The following DTNB variants were observed in gnomAD, a reference collection of about 807,000 sequenced individuals.
DTNB encodes the protein dystrobrevin beta, also known as DTN-B.
In DTNB, 63 loss-of-function variants were observed where a neutral mutation model predicts 90.7. The ratio of observed to expected loss-of-function variants is 0.69; its 90% CI spans 0.57 to 0.86. DTNB has a LOEUF of 0.86. Among genes scored for constraint, DTNB ranks in the 40% least tolerant of loss-of-function variants. The probability of loss-of-function intolerance (pLI) is 0.00; values close to 1 mark genes in which losing one functional copy is unlikely to be tolerated. For missense variants in DTNB, 744 were observed against 807.1 expected, an observed-to-expected ratio of 0.92 and a Z score of 0.95; for synonymous variants, 277 against 286.7, an observed-to-expected ratio of 0.97 and a Z score of 0.34.
At chr2:25,616,954 GA>G (rs900643862) in intron 4 of DTNB, among the ~76,000 whole-genome samples, 3 of 97,452 alleles carry the variant, frequency 3.1e-5, no homozygotes, top group Non-Finnish European at 5.8e-5. Context: ...AAAAAAAAAG[GA>G]AAAAAAAGAC....
intron 1 of DTNB, among the ~76,000 whole-genome samples, chr2:25,654,837 G>A (rs897678128): frequency 6.6e-5 from 10 of 152,224 alleles, no homozygotes; most frequent in Non-Finnish European, 1.5e-4. Flanking sequence ...TTCATCATGT[G>A]TAAAACTGTG....
At chr2:25,666,620 C>T (rs2084509088) in intron 1 of DTNB, among the ~76,000 whole-genome samples, 1 of 152,168 alleles carries the variant, frequency 6.6e-6, no homozygotes, top group African/African-American at 2.4e-5. Flanking sequence ...CCTCTCTGCT[C>T]TAAATACACA....
At chr2:25,396,574 G>T (rs2042419803) in intron 16 of DTNB, among the ~76,000 whole-genome samples, 1 of 151,512 alleles carries the variant, frequency 6.6e-6, no homozygotes, top group Admixed American at 6.6e-5. Flanking sequence ...GGTGGGAGGG[G>T]GGTGAGGGAT....
intron 8 of DTNB, among the ~76,000 whole-genome samples, chr2:25,542,993 T>A (rs2081610193): frequency 6.6e-6 from 1 of 152,196 alleles, no homozygotes; most frequent in Non-Finnish European, 1.5e-5. Flanking sequence ...AATCTCACTG[T>A]GTTCCTGTTA....
At chr2:25,457,895 G>A (rs550438888) in intron 10 of DTNB, among the ~76,000 whole-genome samples, 7 of 152,132 alleles carry the variant, frequency 4.6e-5, no homozygotes, top group East Asian at 3.9e-4. Flanking sequence ...GTGCAGTGGC[G>A]TGATCTCAGC....
At chr2:25,585,981 C>T (rs2062323266) in intron 6 of DTNB, among the ~76,000 whole-genome samples, 1 of 152,074 alleles carries the variant, frequency 6.6e-6, no homozygotes, top group South Asian at 2.1e-4. Context: ...TATAATGTTA[C>T]TCTGCTTTTT....
chr2:25,385,199 G>C (rs2039132672), intron 18 of DTNB, among the ~76,000 whole-genome samples: 1 of 152,006 alleles, frequency 6.6e-6, no homozygotes, highest in Non-Finnish European at 1.5e-5. Context: ...TCCAATTCTA[G>C]GATTCGATTA....
At chr2:25,600,744 C>T (rs143973359) in intron 5 of DTNB, among the ~76,000 whole-genome samples, 4,487 of 152,194 alleles carry the variant, frequency 0.029, 117 homozygotes, top group Middle Eastern at 0.061. Context: ...ACACCCACAC[C>T]AACGAATCTA....
intron 5 of DTNB, among the ~76,000 whole-genome samples, chr2:25,601,531 T>C (rs189071210): frequency 3.3e-5 from 5 of 152,342 alleles, no homozygotes; most frequent in African/African-American, 4.8e-5. Flanking sequence ...CTGGTGATAA[T>C]GACCCTAGTT....
At chr2:25,429,821 G>C (rs773099894) in intron 14 of DTNB, among the ~76,000 whole-genome samples, 6 of 152,048 alleles carry the variant, frequency 3.9e-5, no homozygotes, top group Non-Finnish European at 7.4e-5. Flanking sequence ...CAATTGCCTG[G>C]CTAATTATAT....
chr2:25,630,982 T>C (rs1490668306), intron 3 of DTNB, among the ~76,000 whole-genome samples: 1 of 151,884 alleles, frequency 6.6e-6, no homozygotes, highest in Non-Finnish European at 1.5e-5. Context: ...AGGTTCTATA[T>C]ATATGAAATG....
chr2:25,502,028 T>A (rs761673056), intron 9 of DTNB, among the ~76,000 whole-genome samples: 2 of 151,740 alleles, frequency 1.3e-5, no homozygotes, highest in African/African-American at 4.8e-5. Flanking sequence ...TCTACAAAAA[T>A]AAAAAATTAG....
chr2:25,670,750 T>C (rs776617770), intron 1 of DTNB, among the ~76,000 whole-genome samples: 7 of 152,184 alleles, frequency 4.6e-5, no homozygotes, highest in Non-Finnish European at 1.0e-4. Context: ...CAAACCAGCA[T>C]AAGGGAACAT....
chr2:25,547,267 ACTT>A lies in DTNB; in HGVS notation c.877-15673_877-15671del, dbSNP rs200852339. On this transcript the variant is annotated intron_variant, in intron 8 of 20. Coordinates refer to ENST00000406818, the MANE Select transcript of DTNB (RefSeq NM_021907.5). ...TAATGTAGAAATTTTATACCTGTAT[ACTT>A]CTTTTTTTTTTTAATCTACCACTAA... Among the ~76,000 whole-genome samples the A allele has an allele frequency of 2.2e-3, 318 of 147,410 alleles. 2 individuals carry two copies. Among genetic ancestry groups the A allele is most frequent in the Non-Finnish European group, 3.2e-3 (212 of 67,256 alleles).
intron 9 of DTNB, chr2:25,497,751 G>A (rs1354065306): frequency 3.3e-5 from 5 of 152,198 alleles, no homozygotes; most frequent in African/African-American, 1.2e-4. Flanking sequence ...GAGTCATTCT[G>A]TGGCCTCTTA....
intron 9 of DTNB, among the ~76,000 whole-genome samples, chr2:25,495,444 C>T (rs142080843): frequency 2.0e-5 from 3 of 152,252 alleles, no homozygotes; most frequent in African/African-American, 7.2e-5. Context: ...TAAGTGAAAA[C>T]AATATATTGT....
intron 4 of DTNB, among the ~76,000 whole-genome samples, chr2:25,622,526 T>C (rs2073020434): frequency 6.6e-6 from 1 of 152,170 alleles, no homozygotes; most frequent in Non-Finnish European, 1.5e-5. Context: ...ACCTTTATAA[T>C]GGCCAGAAAT....
intron 9 of DTNB, among the ~76,000 whole-genome samples, chr2:25,493,448 T>C (rs1487148615): frequency 6.6e-6 from 1 of 152,192 alleles, no homozygotes; most frequent in Admixed American, 6.5e-5. Flanking sequence ...AAACCCACCC[T>C]ATAGACTACC....
intron 16 of DTNB, among the ~76,000 whole-genome samples, chr2:25,413,555 G>A (rs1412447273): frequency 6.6e-6 from 1 of 151,934 alleles, no homozygotes; most frequent in African/African-American, 2.4e-5. Context: ...TGAGAATGAC[G>A]GTTTCCAGCT....
Sources: allele counts gnomAD v4.1 joint callset (sites outside exome capture counted in the v4.1 genomes callset), GRCh38; gene constraint gnomAD v4.1.1; transcripts MANE v1.5; gene names NCBI Gene and HGNC (gene_info 2026-07-23, HGNC 2026-07-21).